The following WDR17 variants were observed in gnomAD, a reference collection of about 807,000 sequenced individuals.
WDR17 encodes the protein WD repeat-containing protein 17.
A neutral mutation model predicts 161.7 loss-of-function variants in WDR17; 143 were observed. The observed-to-expected ratio is 0.88, with a 90% confidence interval of 0.77 to 1.02. The LOEUF is 1.02. Among genes scored for constraint, WDR17 ranks in the 50% least tolerant of loss-of-function variants. The pLI, the probability that WDR17 is intolerant of heterozygous loss-of-function variation, is 0.00. For missense variants in WDR17, 1,469 were observed against 1,520.9 expected (o/e 0.97, Z 0.57); for synonymous variants, 517 against 515.6 (o/e 1.00, Z -0.04).
Position 176,177,509 on chromosome 4 carries a change from C to A in WDR17, c.3587C>A (p.Ser1196Ter). The A allele has an allele frequency of 6.3e-7, 1 of 1,582,378 alleles. No homozygotes were observed. The change falls in exon 28 of 29, where the codon TCA becomes TAA. Residue 1196 changes from serine (S) to a stop codon, truncating the protein, a stop_gained. Transcript: ENST00000508596. LOFTEE classifies it high-confidence loss of function. ...TCTCCGTATACACCCCCTTCTGATT[C>A]ACAAAGAATGATTTATGCAACTTTA... ...EDSPYTPPSD[S>*]QRMIYATLLK... is the part of the protein sequence containing the mutation.
intron 1 of WDR17, among the ~76,000 whole-genome samples, chr4:176,094,642 T>C (rs1411045281): frequency 6.6e-6 from 1 of 152,176 alleles, no homozygotes; most frequent in Non-Finnish European, 1.5e-5. Context: ...ATTGCATTAG[T>C]TTGTACAGGA....
intron 17 of WDR17, 67 bp downstream of exon 17, chr4:176,152,034 A>G (rs1243271702): frequency 2.7e-6 from 4 of 1,475,734 alleles, no homozygotes; most frequent in African/African-American, 2.9e-5. Flanking sequence ...AATATACTCA[A>G]TTTTAAGTAT....
intron 8 of WDR17, among the ~76,000 whole-genome samples, chr4:176,135,714 C>A (rs1744292347): frequency 6.6e-6 from 1 of 151,482 alleles, no homozygotes; most frequent in Non-Finnish European, 1.5e-5. Flanking sequence ...AACTTTTATG[C>A]CATCATAAGA....
At chr4:176,129,105 A>G (rs971612530) in intron 6 of WDR17, among the ~76,000 whole-genome samples, 1 of 152,128 alleles carries the variant, frequency 6.6e-6, no homozygotes, top group Non-Finnish European at 1.5e-5. Context: ...AGATAATTTC[A>G]GATTATCTAC....
At chr4:176,116,752 G>A (rs181517616) in intron 3 of WDR17, among the ~76,000 whole-genome samples, 1 of 151,748 alleles carries the variant, frequency 6.6e-6, no homozygotes, top group Admixed American at 6.6e-5. Flanking sequence ...AATAGTCTAA[G>A]GCAAAAATAC....
rs1742254734 is a variant in WDR17, at chr4:176,125,191, C to T, written c.626C>T (p.Pro209Leu). Residue 209 changes from proline (P) to leucine (L), a missense_variant, in exon 5 of 29, where the codon CCA becomes CTA. Physicochemically the swap from Pro to Leu is moderately conservative, Grantham distance 98 (BLOSUM62 -3). Coordinates refer to ENST00000508596, the MANE Select transcript of WDR17 (RefSeq NM_181265.4). ...CCAGTTACGGCCTTGGAATGGGACC[C>T]ACTATCTACTGATTATCTTCTAGTG... ...EDPVTALEWD[P>L]LSTDYLLVVN... 1.9e-6 allele frequency: 3 copies of T among 1,614,138 alleles called. No individual in the cohort carries two copies. In the East Asian group the frequency reaches 6.7e-5, roughly 36 times the overall value.
At chr4:176,122,909 A>C (rs1040495428) in intron 4 of WDR17, among the ~76,000 whole-genome samples, 2 of 152,224 alleles carry the variant, frequency 1.3e-5, no homozygotes, top group Non-Finnish European at 2.9e-5. Flanking sequence ...GGAGGGCTTC[A>C]TAGATGATCC....
At chr4:176,128,665 T>A in intron 5 of WDR17, 73 bp from the exon 6 acceptor site, 2 of 1,469,650 alleles carry the variant, frequency 1.4e-6, no homozygotes. Flanking sequence ...GAAATTTTGT[T>A]ATACTTTTAT....
chr4:176,156,113 C>G lies in WDR17; in HGVS notation c.2495C>G (p.Ser832Cys). 1 of 1,613,590 alleles carries G rather than the reference C, an allele frequency of 6.2e-7. No individual in the cohort carries two copies. ...DKALSIAPGV[S>C]VKYWKKLMQR... is the part of the protein sequence containing the mutation. ...GCCCTGTCAATTGCACCAGGAGTCT[C>G]TGTGAAATACTGGAAGAAGTTAATG... Residue 832 changes from serine to cysteine, a missense_variant, in exon 18 of 29, where the codon TCT becomes TGT. Transcript: ENST00000508596.
chr4:176,159,313 GGAGAGAGAGA>G (rs149384853), intron 18 of WDR17, among the ~76,000 whole-genome samples: 2 of 143,778 alleles, frequency 1.4e-5, no homozygotes, highest in Non-Finnish European at 3.0e-5. Context: ...ACACACAGAT[GGAGAGAGAGA>G]GAGAGAGAGA....
chr4:176,165,222 A>C (rs1749606536), intron 22 of WDR17, among the ~76,000 whole-genome samples: 1 of 152,076 alleles, frequency 6.6e-6, no homozygotes, highest in East Asian at 1.9e-4. Context: ...TAAAAAAATT[A>C]GCCAGGCATG....
At chr4:176,166,904 T>A (rs1222965038) in intron 22 of WDR17, among the ~76,000 whole-genome samples, 2 of 152,158 alleles carry the variant, frequency 1.3e-5, no homozygotes, top group East Asian at 3.8e-4. Flanking sequence ...TTGTAATCTT[T>A]TATCAATTCT....
At chr4:176,133,329 TAA>T (rs1452567055) in intron 7 of WDR17, among the ~76,000 whole-genome samples, 1 of 105,822 alleles carries the variant, frequency 9.4e-6, no homozygotes. Flanking sequence ...ACTCCTAATC[TAA>T]AAAGTAAATT....
intron 6 of WDR17, 137 bp downstream of exon 6, chr4:176,128,997 C>G: frequency 1.5e-6 from 1 of 685,102 alleles, no homozygotes; most frequent in East Asian, 3.6e-5. Context: ...AATATATGTG[C>G]TCAAGGATCC....
intron 18 of WDR17, among the ~76,000 whole-genome samples, chr4:176,157,091 C>T (rs1423038717): frequency 1.3e-5 from 2 of 152,128 alleles, no homozygotes; most frequent in South Asian, 4.1e-4. Context: ...AGGACTTCAA[C>T]ATATTGTTTT....
chr4:176,108,903 C>T (rs937223823), intron 1 of WDR17, among the ~76,000 whole-genome samples: 6 of 152,256 alleles, frequency 3.9e-5, no homozygotes, highest in African/African-American at 1.4e-4. Flanking sequence ...AATCTTCCCA[C>T]CTCAGCTTCC....
intron 18 of WDR17, among the ~76,000 whole-genome samples, chr4:176,159,641 A>G (rs1030306011): frequency 6.6e-6 from 1 of 152,210 alleles, no homozygotes; most frequent in Non-Finnish European, 1.5e-5. Flanking sequence ...AGATACCCAC[A>G]TATTTGCTTA....
At chr4:176,129,545 G>T (rs781102530) in intron 6 of WDR17, among the ~76,000 whole-genome samples, 2 of 152,110 alleles carry the variant, frequency 1.3e-5, no homozygotes, top group Non-Finnish European at 2.9e-5. Flanking sequence ...TACTCTGCAT[G>T]GTTGGTAGTG....
chr4:176,110,402 A>G (rs1739509651), intron 1 of WDR17, among the ~76,000 whole-genome samples: 1 of 152,196 alleles, frequency 6.6e-6, no homozygotes, highest in Non-Finnish European at 1.5e-5. Flanking sequence ...CTGGGATTAC[A>G]GGCGTGAGCC....
Sources: gnomAD v4.1 joint callset for allele counts (sites outside exome capture counted in the v4.1 genomes callset) on GRCh38, gnomAD v4.1.1 for gene constraint, MANE v1.5 for transcripts, NCBI Gene and HGNC (gene_info 2026-07-23, HGNC 2026-07-21) for gene names.